PHLPP1: variants seen among roughly 807,000 people sequenced by gnomAD.
The protein encoded by PHLPP1 is PH domain leucine-rich repeat-containing protein phosphatase 1.
A neutral mutation model predicts 117.2 loss-of-function variants in PHLPP1; 42 were observed. The observed-to-expected ratio is 0.36, with a 90% CI of 0.28 to 0.46. The LOEUF is 0.46. PHLPP1 is among the 20% of genes least tolerant of loss of function. PHLPP1 has a pLI of 1.00. For synonymous variants in PHLPP1, 1,042 were observed against 970.7 expected, an observed-to-expected ratio of 1.07 and a Z score of -1.37; for missense variants, 2,084 against 2,241.9, an observed-to-expected ratio of 0.93 and a Z score of 1.42.
chr18:62,767,357 G>A (rs1246519485), intron 1 of PHLPP1, among the ~76,000 whole-genome samples: 2 of 152,178 alleles, frequency 1.3e-5, no homozygotes, highest in Non-Finnish European at 2.9e-5. Context: ...ATTGGCTTAA[G>A]AGAGCCAAAA....
At position 62,716,092 on chromosome 18, in the gene PHLPP1, GCCT is replaced by G. The variant is rs994395336; in HGVS notation, c.414_416del (p.Ser144del). ...GAATCTGTCCGCGGCCGCCGCGGCC[GCCT>G]CCTCGTCGTCGTCGTCCTCGGCCGC... On this transcript the variant is annotated inframe_deletion, in exon 1 of 17. Transcript: ENST00000262719. The surrounding 1 kb of genome is among the most constrained non-coding windows in gnomAD (Gnocchi z 5.7). 1.4e-5 allele frequency: 21 copies of G among 1,495,774 alleles called. No individual in the cohort carries two copies. In the East Asian group the frequency reaches 2.4e-4, roughly 17 times the overall value. 92.7% of individuals were successfully genotyped at this position (1,495,774 alleles called of 1,614,324 possible).
In PHLPP1 at chr18:62,945,203, C is replaced by G; in HGVS notation, c.3256C>G (p.His1086Asp). 8 of 1,613,300 alleles carry G rather than the reference C, an allele frequency of 5.0e-6. No individual in the cohort carries two copies. Among genetic ancestry groups the G allele is most frequent in the Non-Finnish European group, 6.8e-6 (8 of 1,179,612 alleles). ...PTTIMNCRRMHTVIAHSNCIE... is the reference protein window; with the variant it reads ...PTTIMNCRRMDTVIAHSNCIE... ...AACGATCATGAATTGCAGGCGCATG[C>G]ACACCGTGATTGCTCACTCCAACTG... is the stretch of plus-strand genomic sequence containing the variant. Residue 1086 changes from histidine (H) to aspartate (D), a missense_variant, in exon 12 of 17, where the codon CAC becomes GAC. By Grantham distance (81) the His-to-Asp change is moderately conservative. Transcript: ENST00000262719.
intron 1 of PHLPP1, among the ~76,000 whole-genome samples, chr18:62,737,423 T>G (rs908434698): frequency 1.3e-5 from 2 of 152,236 alleles, no homozygotes; most frequent in Non-Finnish European, 2.9e-5. Context: ...ATTTGTAGTC[T>G]TTGGCATTAA....
chr18:62,868,009 A>T (rs1337926866), intron 4 of PHLPP1, among the ~76,000 whole-genome samples: 1 of 152,000 alleles, frequency 6.6e-6, no homozygotes, highest in Non-Finnish European at 1.5e-5. Context: ...ACAAGGTTTC[A>T]CTGTTTTAGC....
intron 1 of PHLPP1, among the ~76,000 whole-genome samples, chr18:62,739,366 G>A (rs1416666125): frequency 6.6e-6 from 1 of 152,202 alleles, no homozygotes; most frequent in Non-Finnish European, 1.5e-5. Flanking sequence ...GTGACGTATT[G>A]TAGTGGTTAC....
chr18:62,949,156 T>G (rs1163404420), intron 12 of PHLPP1, among the ~76,000 whole-genome samples: 2 of 152,198 alleles, frequency 1.3e-5, no homozygotes, highest in Non-Finnish European at 2.9e-5. Context: ...ATTAAGATCA[T>G]TGCAATTTTA....
At chr18:62,724,432 G>A (rs183372843) in intron 1 of PHLPP1, among the ~76,000 whole-genome samples, 5 of 152,284 alleles carry the variant, frequency 3.3e-5, no homozygotes, top group Non-Finnish European at 5.9e-5. Context: ...CTTTGGACAG[G>A]TAATAGAATT....
chr18:62,764,933 G>A (rs904776128), intron 1 of PHLPP1, among the ~76,000 whole-genome samples: 3 of 152,106 alleles, frequency 2.0e-5, no homozygotes, highest in Admixed American at 6.5e-5. Context: ...CTTTACTGTC[G>A]TCGTTCTTTT....
intron 1 of PHLPP1, among the ~76,000 whole-genome samples, chr18:62,741,958 G>A (rs574464220): frequency 6.6e-6 from 1 of 151,972 alleles, no homozygotes; most frequent in African/African-American, 2.4e-5. Context: ...CTGCCTGACC[G>A]AATGCTTTGG....
Position 62,777,391 on chromosome 18 carries a change from T to C in PHLPP1, c.1577-52644T>C, listed in dbSNP as rs138169496. Among the ~76,000 whole-genome samples the C allele has an allele frequency of 3.9e-3, 600 of 152,182 alleles. 3 individuals carry two copies. The highest frequency in any genetic ancestry group is 0.014 in the African/African-American group (565 of 41,550). ...GCCCATTTTTCTTATTGGGTTGTTATTGAGTTGTGAAAGTTCTTTTTATAT... is the reference window on the plus strand; with the variant it reads ...GCCCATTTTTCTTATTGGGTTGTTACTGAGTTGTGAAAGTTCTTTTTATAT... On this transcript the variant is annotated intron_variant, in intron 1 of 16. Coordinates refer to ENST00000262719, the MANE Select transcript of PHLPP1 (RefSeq NM_194449.4).
chr18:62,745,035 T>C (rs533409253), intron 1 of PHLPP1, among the ~76,000 whole-genome samples: 1 of 152,318 alleles, frequency 6.6e-6, no homozygotes, highest in Admixed American at 6.5e-5. Context: ...TGGTGTAATT[T>C]TGTAATGTTT....
chr18:62,823,896 C>T lies in PHLPP1; in HGVS notation c.1577-6139C>T, dbSNP rs565822663. Among the ~76,000 whole-genome samples the T allele has an allele frequency of 3.3e-4, 50 of 152,228 alleles. No homozygotes were observed. In the East Asian group the frequency reaches 9.1e-3, roughly 28 times the overall value. ...CCTGTAATTCCAGCACTTCGGGAGGCCGAGGTAGGTGGACCATCTGAGGTG... is the reference window on the plus strand; with the variant it reads ...CCTGTAATTCCAGCACTTCGGGAGGTCGAGGTAGGTGGACCATCTGAGGTG... On this transcript the variant is annotated intron_variant, in intron 1 of 16. Transcript: ENST00000262719.
intron 3 of PHLPP1, among the ~76,000 whole-genome samples, chr18:62,851,153 C>T (rs770990043): frequency 2.0e-5 from 3 of 152,142 alleles, no homozygotes; most frequent in Non-Finnish European, 4.4e-5. Context: ...GATGGCCCCG[C>T]GCATGCTGCC....
At chr18:62,830,282 C>A in intron 2 of PHLPP1, 51 bp downstream of exon 2, 1 of 1,469,144 alleles carries the variant, frequency 6.8e-7, no homozygotes, top group Admixed American at 2.0e-5. Context: ...ACTCTGTCAC[C>A]CAGGCTCAAG....
At chr18:62,958,288 C>T (rs1284608637) in intron 12 of PHLPP1, among the ~76,000 whole-genome samples, 1 of 152,132 alleles carries the variant, frequency 6.6e-6, no homozygotes, top group Non-Finnish European at 1.5e-5. Context: ...AGCTATAGTT[C>T]TCATGGCACG....
At chr18:62,916,254 A>G in intron 9 of PHLPP1, among the ~76,000 whole-genome samples, 3 of 152,126 alleles carry the variant, frequency 2.0e-5, no homozygotes, top group Middle Eastern at 3.4e-3. Context: ...AATATTAATA[A>G]TAGTGTACAT....
intron 1 of PHLPP1, among the ~76,000 whole-genome samples, chr18:62,784,376 A>G (rs1302943282): frequency 1.3e-5 from 2 of 152,236 alleles, no homozygotes; most frequent in Non-Finnish European, 2.9e-5. Context: ...AAAGGCTAAT[A>G]GAAAGAAAGC....
chr18:62,861,630 T>C (rs1353733953), intron 4 of PHLPP1, among the ~76,000 whole-genome samples: 1 of 152,272 alleles, frequency 6.6e-6, no homozygotes, highest in Non-Finnish European at 1.5e-5. Flanking sequence ...CATTTGTTTT[T>C]ACATGACTGA....
At chr18:62,816,536 C>T (rs1384336800) in intron 1 of PHLPP1, among the ~76,000 whole-genome samples, 1 of 152,020 alleles carries the variant, frequency 6.6e-6, no homozygotes, top group Non-Finnish European at 1.5e-5. Flanking sequence ...CATTGCACTC[C>T]AGCCTGGGTG....
Sources: allele counts gnomAD v4.1 joint callset (sites outside exome capture counted in the v4.1 genomes callset), GRCh38; gene constraint gnomAD v4.1.1; non-coding constraint Gnocchi (gnomAD v3.1); transcripts MANE v1.5; gene names NCBI Gene and HGNC (gene_info 2026-07-23, HGNC 2026-07-21).